SNRPN: variants seen among roughly 807,000 people sequenced by gnomAD.
The protein encoded by SNRPN is small nuclear ribonucleoprotein-associated protein N.
A neutral mutation model predicts 25.2 loss-of-function variants in SNRPN; 7 were observed. The ratio of observed to expected loss-of-function variants is 0.28; its 90% CI spans 0.16 to 0.52. SNRPN has a LOEUF of 0.52. Among genes scored for constraint, SNRPN ranks in the 20% least tolerant of loss-of-function variants. The pLI is 0.96. For missense variants in SNRPN, 196 were observed against 322.5 expected, an observed-to-expected ratio of 0.61 and a Z score of 3.00; for synonymous variants, 124 against 110.6, an observed-to-expected ratio of 1.12 and a Z score of -0.76.
chr15:24,976,563 C>G (rs1176883326), intron 6 of SNRPN, 147 bp downstream of exon 6: 5 of 686,586 alleles, frequency 7.3e-6, no homozygotes, highest in Admixed American at 3.2e-5. Flanking sequence ...TGTTGGTTGC[C>G]TATGCTATTC....
At chr15:24,939,072 C>T (rs147838200) in intron 3 of SNRPN, among the ~76,000 whole-genome samples, 26 of 152,218 alleles carry the variant, frequency 1.7e-4, no homozygotes, top group African/African-American at 5.3e-4. Flanking sequence ...ATGAACGGAT[C>T]CCAAATAGTC....
intron 1 of SNRPN, among the ~76,000 whole-genome samples, chr15:24,879,214 T>A (rs909642170): frequency 9.9e-5 from 15 of 152,034 alleles, no homozygotes; most frequent in Admixed American, 2.6e-4. Context: ...GCAGGCAGAT[T>A]GCCTGAGCTC....
rs1043099236 is a variant in SNRPN at position 24,978,335 on chromosome 15, G to C, written c.685+17G>C. The C allele has an allele frequency of 6.2e-7, 1 of 1,614,044 alleles. No individual in the cohort carries two copies. The highest frequency in any genetic ancestry group is 1.7e-5 in the Admixed American group (1 of 60,016). Reference sequence around the variant, plus strand: ...GCATTAGAGGTGAGTGGGAGCATAGGGGTTTGATGGTTCAGCCAGGCCCCT... The same window carrying C: ...GCATTAGAGGTGAGTGGGAGCATAGCGGTTTGATGGTTCAGCCAGGCCCCT... On this transcript the variant is annotated intron_variant, in intron 9 of 9. Coordinates refer to ENST00000390687, the MANE Select transcript of SNRPN (RefSeq NM_003097.6).
intron 2 of SNRPN, among the ~76,000 whole-genome samples, chr15:24,841,074 C>T (rs1225555411): frequency 1.3e-5 from 2 of 152,144 alleles, no homozygotes; most frequent in South Asian, 2.1e-4. Context: ...CTCCTGACCT[C>T]GTGATTCACC....
intron 1 of SNRPN, among the ~76,000 whole-genome samples, chr15:24,957,189 G>C (rs2063075878): frequency 6.6e-6 from 1 of 152,036 alleles, no homozygotes; most frequent in Non-Finnish European, 1.5e-5. Flanking sequence ...AGTCCATTCT[G>C]ATGCACTGCA....
At chr15:24,976,539 C>T in intron 6 of SNRPN, 123 bp downstream of exon 6, 2 of 739,906 alleles carry the variant, frequency 2.7e-6, no homozygotes, top group Non-Finnish European at 4.6e-6. Flanking sequence ...ATGTGCCAGG[C>T]ACTTAATATC....
At chr15:24,846,619 C>G (rs11634286) in intron 2 of SNRPN, among the ~76,000 whole-genome samples, 12,274 of 152,144 alleles carry the variant, frequency 0.081, 675 homozygotes, top group Middle Eastern at 0.16. Flanking sequence ...GAAAACCATG[C>G]AAATTAGAAT....
intron 1 of SNRPN, among the ~76,000 whole-genome samples, chr15:24,869,239 T>C (rs1412088680): frequency 2.0e-5 from 3 of 152,204 alleles, no homozygotes; most frequent in African/African-American, 7.2e-5. Flanking sequence ...AAGAAACTTG[T>C]TAAATTTTAG....
At chr15:24,936,983 G>T (rs760892404) in intron 3 of SNRPN, among the ~76,000 whole-genome samples, 3 of 152,146 alleles carry the variant, frequency 2.0e-5, no homozygotes, top group African/African-American at 7.2e-5. Flanking sequence ...GATGGCTCAC[G>T]TGTGTAATCC....
At chr15:24,873,689 C>T (rs1199676540) in intron 1 of SNRPN, among the ~76,000 whole-genome samples, 1 of 151,996 alleles carries the variant, frequency 6.6e-6, no homozygotes, top group Admixed American at 6.6e-5. Context: ...CCTCGTGATC[C>T]ACCTGCCTCG....
At chr15:24,864,780 A>G (rs2148076539) in intron 1 of SNRPN, among the ~76,000 whole-genome samples, 1 of 152,080 alleles carries the variant, frequency 6.6e-6, no homozygotes, top group African/African-American at 2.4e-5. Context: ...TTTTCTCTTG[A>G]GATTTCTTGC....
chr15:24,895,562 A>G (rs35513495), intron 2 of SNRPN, among the ~76,000 whole-genome samples: 3,571 of 152,166 alleles, frequency 0.023, 63 homozygotes, highest in Middle Eastern at 0.048. Context: ...GAAAGATGGC[A>G]TTTGGTATTG....
At chr15:24,930,194 A>AAATT (rs1331171141) in intron 3 of SNRPN, among the ~76,000 whole-genome samples, 5 of 144,594 alleles carry the variant, frequency 3.5e-5, no homozygotes, top group Non-Finnish European at 7.5e-5. Flanking sequence ...AAAAATATAA[A>AAATT]AATTACACCA....
At chr15:24,869,729 C>G (rs2054907330) in intron 1 of SNRPN, among the ~76,000 whole-genome samples, 1 of 152,138 alleles carries the variant, frequency 6.6e-6, no homozygotes, top group South Asian at 2.1e-4. Context: ...ACAAGTTAGC[C>G]TTTGTCAAAT....
At chr15:24,891,945 T>A (rs541080427) in intron 2 of SNRPN, among the ~76,000 whole-genome samples, 42 of 152,334 alleles carry the variant, frequency 2.8e-4, no homozygotes, top group African/African-American at 9.9e-4. Context: ...TCATATTTTC[T>A]CCATTTCATA....
chr15:24,881,583 GGGAGAGAGAGAGAGAGAGAGAGA>G (rs2056650724), intron 1 of SNRPN, among the ~76,000 whole-genome samples: 1 of 59,222 alleles, frequency 1.7e-5, no homozygotes, highest in Non-Finnish European at 3.5e-5. Context: ...GAGGGAGGGA[GGGAGAGAGAGAGAGAGAGAGAGA>G]GAGAGAGAGA....
chr15:24,830,462 T>C (rs536885081), intron 2 of SNRPN, among the ~76,000 whole-genome samples: 2 of 152,236 alleles, frequency 1.3e-5, no homozygotes, highest in South Asian at 2.1e-4. Flanking sequence ...TCCAATGTTA[T>C]ATATTTTCTC....
chr15:24,843,346 A>T (rs1039789737), intron 2 of SNRPN, among the ~76,000 whole-genome samples: 6 of 152,210 alleles, frequency 3.9e-5, no homozygotes, highest in African/African-American at 7.2e-5. Context: ...TGGATCATAT[A>T]ACAAAAGTAT....
At chr15:24,919,792 C>T (rs1343898769) in intron 2 of SNRPN, among the ~76,000 whole-genome samples, 1 of 152,144 alleles carries the variant, frequency 6.6e-6, no homozygotes, top group Middle Eastern at 3.2e-3. Flanking sequence ...CAAGGAAGTG[C>T]ACAGACTGGA....
Sources: gnomAD v4.1 joint callset for allele counts (sites outside exome capture counted in the v4.1 genomes callset) on GRCh38, gnomAD v4.1.1 for gene constraint, MANE v1.5 for transcripts, NCBI Gene and HGNC (gene_info 2026-07-23, HGNC 2026-07-21) for gene names.